The following PARD3B variants were observed in gnomAD, a reference collection of about 807,000 sequenced individuals.
PARD3B encodes the protein par-3 family cell polarity regulator beta.
PARD3B carries 103 observed loss-of-function variants against 130.2 expected under a neutral mutation model. That is an observed-to-expected ratio of 0.79 (90% CI 0.67 to 0.93). The LOEUF (loss-of-function observed/expected upper bound fraction) is 0.93, where lower values mean the gene tolerates loss of function less well. Ranked by LOEUF, PARD3B falls within the 40% of genes least tolerant of loss-of-function variation. The pLI is 0.00. For missense variants in PARD3B, 1,609 were observed against 1,499.2 expected (o/e 1.07, Z -1.21); for synonymous variants, 583 against 553.2 (o/e 1.05, Z -0.76).
At chr2:204,789,566 G>C (rs555112526) in intron 2 of PARD3B, among the ~76,000 whole-genome samples, 2 of 152,286 alleles carry the variant, frequency 1.3e-5, no homozygotes, top group East Asian at 3.9e-4. Flanking sequence ...GTGATGTCAT[G>C]AAGGTTTGAT....
At chr2:204,794,756 G>A (rs1370669752) in intron 2 of PARD3B, among the ~76,000 whole-genome samples, 2 of 152,166 alleles carry the variant, frequency 1.3e-5, no homozygotes, top group Non-Finnish European at 2.9e-5. Context: ...ATACATGAAA[G>A]TTTAAGTTTC....
At chr2:204,741,277 T>C (rs1456381716) in intron 2 of PARD3B, among the ~76,000 whole-genome samples, 3 of 152,214 alleles carry the variant, frequency 2.0e-5, no homozygotes, top group Non-Finnish European at 4.4e-5. Flanking sequence ...TATATTTGCC[T>C]TGTTCCTGGC....
intron 2 of PARD3B, among the ~76,000 whole-genome samples, chr2:204,773,212 A>G (rs1348731199): frequency 6.6e-6 from 1 of 151,924 alleles, no homozygotes; most frequent in Non-Finnish European, 1.5e-5. Context: ...TATAAAATGC[A>G]CCATTTTCCT....
At chr2:204,592,969 T>C (rs1050971296) in intron 1 of PARD3B, among the ~76,000 whole-genome samples, 2 of 152,240 alleles carry the variant, frequency 1.3e-5, no homozygotes, top group African/African-American at 4.8e-5. Context: ...TTATTCCCTT[T>C]TATGGCTGAA....
chr2:204,793,816 C>T (rs2042276792), intron 2 of PARD3B, among the ~76,000 whole-genome samples: 1 of 152,038 alleles, frequency 6.6e-6, no homozygotes, highest in African/African-American at 2.4e-5. Context: ...CATCATTGAC[C>T]TTTTTCAGTA....
chr2:204,976,158 C>T (rs1172773814), intron 3 of PARD3B, among the ~76,000 whole-genome samples: 1 of 152,110 alleles, frequency 6.6e-6, no homozygotes, highest in Non-Finnish European at 1.5e-5. Flanking sequence ...TTTATATCTT[C>T]TCTGATATCT....
intron 2 of PARD3B, among the ~76,000 whole-genome samples, chr2:204,774,737 A>C (rs78968942): frequency 7.2e-5 from 11 of 152,152 alleles, no homozygotes; most frequent in Non-Finnish European, 1.2e-4. Context: ...AAGCCCTACT[A>C]TGAAAATGTT....
chr2:204,874,199 G>A (rs1055925787), intron 2 of PARD3B, among the ~76,000 whole-genome samples: 4 of 152,120 alleles, frequency 2.6e-5, no homozygotes, highest in African/African-American at 4.8e-5. Flanking sequence ...AAAACTAAGT[G>A]TGGGAGCTCT....
At chr2:204,546,198 G>T in intron 1 of PARD3B, 79 bp downstream of exon 1, 1 of 1,534,910 alleles carries the variant, frequency 6.5e-7, no homozygotes, top group Non-Finnish European at 8.8e-7. Flanking sequence ...ACACTCAGGG[G>T]ATGCAGAAAA....
rs1695670368 is a variant in PARD3B at position 205,011,060 on chromosome 2, A to G, written c.395-36521A>G. ...TGTATGGGGTTTAGTGGTGGAAGGT[A>G]TCCCCTAAGCTGGTAGCACCATTAG... On this transcript the variant is annotated intron_variant, in intron 3 of 22. Coordinates refer to ENST00000406610, the MANE Select transcript of PARD3B (RefSeq NM_001302769.2). This position sits in a 1 kb window ranked among gnomAD's most constrained non-coding sequence, Gnocchi z 4.1. Among the ~76,000 whole-genome samples the G allele has an allele frequency of 6.6e-6, 1 of 152,174 alleles. No individual in the cohort carries two copies. The highest frequency in any genetic ancestry group is 1.5e-5 in the Non-Finnish European group (1 of 68,036).
chr2:204,936,114 G>T (rs236825), intron 2 of PARD3B, among the ~76,000 whole-genome samples: 108,273 of 152,128 alleles, frequency 0.71, 39,609 homozygotes, highest in African/African-American at 0.87. Flanking sequence ...GAGCACTTTT[G>T]GGCTGTTCAG....
At chr2:204,651,162 C>T (rs2035463602) in intron 1 of PARD3B, among the ~76,000 whole-genome samples, 1 of 152,098 alleles carries the variant, frequency 6.6e-6, no homozygotes, top group Admixed American at 6.6e-5. Flanking sequence ...CCCAATAGTC[C>T]CCCAAAGTCT....
chr2:205,523,751 A>G (rs77664426), intron 21 of PARD3B, among the ~76,000 whole-genome samples: 4,888 of 150,906 alleles, frequency 0.032, 168 homozygotes, highest in South Asian at 0.13. Flanking sequence ...GTTTAATGCC[A>G]GTCCTTCCTT....
At chr2:204,628,577 T>C (rs2034566553) in intron 1 of PARD3B, among the ~76,000 whole-genome samples, 1 of 152,200 alleles carries the variant, frequency 6.6e-6, no homozygotes, top group East Asian at 1.9e-4. Context: ...TAAGCAATTA[T>C]ATTCAAAACC....
Position 204,545,715 on chromosome 2 carries a change from G to C in PARD3B, c.-285G>C. ...CTGGGCCGGGCAGGAGTAGGAGCGG[G>C]AGGAGGAGGAGGAGGAGCCGGTGCC... On this transcript the variant is annotated 5_prime_UTR_variant, in exon 1 of 23. Transcript: ENST00000406610. 7.2e-6 allele frequency: 1 copy of C among 139,440 alleles called. No homozygotes were observed. The highest frequency in any genetic ancestry group is 1.1e-5 in the Non-Finnish European group (1 of 88,050). 8.6% of individuals were successfully genotyped at this position (139,440 alleles called of 1,614,324 possible). A position where few individuals can be genotyped will look rare whatever the true frequency, so the allele number is the denominator to read the frequency against.
At chr2:205,547,940 G>C (rs1248359286) in intron 21 of PARD3B, among the ~76,000 whole-genome samples, 2 of 152,146 alleles carry the variant, frequency 1.3e-5, no homozygotes, top group African/African-American at 4.8e-5. Flanking sequence ...CTACAAGAAG[G>C]GTGGATTGGA....
At chr2:205,293,981 C>T (rs907352092) in intron 16 of PARD3B, among the ~76,000 whole-genome samples, 3 of 152,136 alleles carry the variant, frequency 2.0e-5, no homozygotes, top group Non-Finnish European at 4.4e-5. Flanking sequence ...ATTTGACCCT[C>T]AAATGAGTAT....
At chr2:205,002,995 G>C (rs1283360734) in intron 3 of PARD3B, among the ~76,000 whole-genome samples, 1 of 152,214 alleles carries the variant, frequency 6.6e-6, no homozygotes, top group Admixed American at 6.5e-5. Context: ...GGTTGTTCCA[G>C]GCTGATGTGG....
chr2:205,409,281 G>A (rs567548512), intron 19 of PARD3B, among the ~76,000 whole-genome samples: 8 of 152,082 alleles, frequency 5.3e-5, no homozygotes, highest in Non-Finnish European at 1.0e-4. Context: ...TAAAAATATA[G>A]AGAGAGAAAG....
Sources: gnomAD v4.1 joint callset for allele counts (sites outside exome capture counted in the v4.1 genomes callset) on GRCh38, gnomAD v4.1.1 for gene constraint, Gnocchi (gnomAD v3.1) non-coding constraint, MANE v1.5 for transcripts, NCBI Gene and HGNC (gene_info 2026-07-23, HGNC 2026-07-21) for gene names.